Variants in DSCAML1 observed in about 807,000 individuals in gnomAD.
DSCAML1 encodes DS cell adhesion molecule like 1.
Under a neutral mutation model 200.5 loss-of-function variants are expected in DSCAML1, and 38 were observed. The ratio of observed to expected loss-of-function variants is 0.19; its 90% CI spans 0.15 to 0.25. DSCAML1 has a LOEUF of 0.25. Ranked by LOEUF, DSCAML1 falls within the 10% of genes least tolerant of loss-of-function variation. The pLI, the probability that DSCAML1 is intolerant of heterozygous loss-of-function variation, is 1.00. For missense variants in DSCAML1, 2,223 were observed against 2,858.8 expected, an observed-to-expected ratio of 0.78 and a Z score of 5.07; for synonymous variants, 1,215 against 1,165.0, an observed-to-expected ratio of 1.04 and a Z score of -0.87.
At chr11:117,668,082 G>A (rs2053017984) in intron 3 of DSCAML1, among the ~76,000 whole-genome samples, 1 of 152,138 alleles carries the variant, frequency 6.6e-6, no homozygotes, top group Non-Finnish European at 1.5e-5. Flanking sequence ...CTGGGAGGTG[G>A]GTACTATTAT....
intron 3 of DSCAML1, among the ~76,000 whole-genome samples, chr11:117,586,973 A>C (rs972235425): frequency 2.0e-5 from 3 of 151,966 alleles, no homozygotes; most frequent in African/African-American, 7.3e-5. Flanking sequence ...CTCCTCCATC[A>C]CCTCCCACAG....
At chr11:117,442,030 GTA>G (rs1354736895) in intron 21 of DSCAML1, among the ~76,000 whole-genome samples, 9 of 100,992 alleles carry the variant, frequency 8.9e-5, no homozygotes, top group African/African-American at 3.6e-4. Flanking sequence ...GTGAGTGTGT[GTA>G]TGTGTGTGTG....
chr11:117,704,739 T>C (rs2053729458), intron 3 of DSCAML1, among the ~76,000 whole-genome samples: 1 of 152,146 alleles, frequency 6.6e-6, no homozygotes, highest in Admixed American at 6.5e-5. Flanking sequence ...CCAGGAACAA[T>C]GCAAGTATTA....
At chr11:117,519,665 TA>T (rs951167237) in intron 6 of DSCAML1, among the ~76,000 whole-genome samples, 1 of 151,776 alleles carries the variant, frequency 6.6e-6, no homozygotes, top group Non-Finnish European at 1.5e-5. Flanking sequence ...AGAAAAAATG[TA>T]AAAAAATAGC....
chr11:117,713,124 G>T (rs541888169), intron 3 of DSCAML1, among the ~76,000 whole-genome samples: 4 of 151,784 alleles, frequency 2.6e-5, no homozygotes, highest in African/African-American at 7.3e-5. Context: ...CCGTTTTTTG[G>T]GAGACTCTGT....
intron 3 of DSCAML1, among the ~76,000 whole-genome samples, chr11:117,608,010 C>T (rs1032847407): frequency 2.0e-5 from 3 of 152,210 alleles, no homozygotes; most frequent in Non-Finnish European, 4.4e-5. Context: ...CCACCTGCAT[C>T]AGAGGGAATG....
chr11:117,784,162 C>A (rs1328927159), intron 1 of DSCAML1, among the ~76,000 whole-genome samples: 1 of 152,222 alleles, frequency 6.6e-6, no homozygotes, highest in African/African-American at 2.4e-5. Context: ...GAGCTTCTGT[C>A]TTCTGAGTCT....
At chr11:117,574,636 C>T (rs1157184798) in intron 3 of DSCAML1, among the ~76,000 whole-genome samples, 1 of 152,136 alleles carries the variant, frequency 6.6e-6, no homozygotes, top group East Asian at 1.9e-4. Flanking sequence ...GTGTGGGCCC[C>T]TGAGCCTGGC....
At chr11:117,806,433 CT>C (rs2055707701) in intron 1 of DSCAML1, among the ~76,000 whole-genome samples, 1 of 152,214 alleles carries the variant, frequency 6.6e-6, no homozygotes, top group African/African-American at 2.4e-5. Context: ...AAACTCTGAG[CT>C]GAACTGGCGG....
At position 117,779,901 on chromosome 11, in the gene DSCAML1, A is replaced by T. The variant is rs535592542; in HGVS notation, c.364+592T>A. Reference sequence around the variant, plus strand: ...ATGTGTGCACTTTCCTTTATATATTATTTTTCAATAAAAGGCTTCAAGGAA... The same window carrying T: ...ATGTGTGCACTTTCCTTTATATATTTTTTTTCAATAAAAGGCTTCAAGGAA... On this transcript the variant is annotated intron_variant, in intron 2 of 32. Transcript: ENST00000651296. Among the ~76,000 whole-genome samples, 38 of 152,062 alleles carry T rather than the reference A, an allele frequency of 2.5e-4. 2 individuals carry two copies. In the East Asian group the frequency reaches 5.8e-3, roughly 23 times the overall value.
At chr11:117,583,024 G>A (rs2051072760) in intron 3 of DSCAML1, among the ~76,000 whole-genome samples, 1 of 33,476 alleles carries the variant, frequency 3.0e-5, no homozygotes, top group African/African-American at 9.2e-5. Context: ...TATTATTGTA[G>A]CACTAGCATT....
chr11:117,725,243 C>T (rs2054105000), intron 3 of DSCAML1, among the ~76,000 whole-genome samples: 1 of 152,168 alleles, frequency 6.6e-6, no homozygotes, highest in South Asian at 2.1e-4. Context: ...CACTGTCTTC[C>T]CTGTCTGCTG....
intron 3 of DSCAML1, among the ~76,000 whole-genome samples, chr11:117,740,760 A>G (rs1016134272): frequency 4.6e-5 from 7 of 152,238 alleles, no homozygotes; most frequent in Non-Finnish European, 8.8e-5. Flanking sequence ...CCAAGGTTAC[A>G]TATTTATTGT....
In DSCAML1 at chr11:117,432,397, T is replaced by C; in HGVS notation, c.5134A>G (p.Ser1712Gly). 6.2e-7 allele frequency: 1 copy of C among 1,614,112 alleles called. No individual in the cohort carries two copies. The highest frequency in any genetic ancestry group is 2.2e-5 in the East Asian group (1 of 44,878). Residue 1712 changes from serine (S) to glycine (G), a missense_variant, in exon 30 of 33, where the codon AGC (serine) becomes GGC (glycine). Ser to Gly is a moderately conservative substitution (Grantham distance 56). This residue lies in a region of DSCAML1 where 614 missense variants were observed against 739.1 expected (regional missense o/e 0.83). Coordinates refer to ENST00000651296, the MANE Select transcript of DSCAML1 (RefSeq NM_020693.4). ...GACATGTCGATGAGGGGTCCTGTGCTCTGGATGAGGGTTGGGTGGTGCAAG... is the reference window on the plus strand; with the variant it reads ...GACATGTCGATGAGGGGTCCTGTGCCCTGGATGAGGGTTGGGTGGTGCAAG... ...VSLHHPTLIQ[S>G]TGPLIDMSDI...
At chr11:117,800,653 T>C (rs1420074524), upstream of DSCAML1, among the ~76,000 whole-genome samples, 2 of 152,252 alleles carry the variant, frequency 1.3e-5, no homozygotes, top group African/African-American at 4.8e-5. Context: ...AATATTTTCT[T>C]GCATCAGAAT....
rs762695017 is a variant in DSCAML1 at position 117,428,286 on chromosome 11, C to T, written c.*42G>A. The T allele has an allele frequency of 3.8e-5, 43 of 1,119,382 alleles. No individual in the cohort carries two copies. The highest frequency in any genetic ancestry group is 1.3e-4 in the Admixed American group (6 of 47,292). 69.3% of individuals were successfully genotyped at this position (1,119,382 alleles called of 1,614,324 possible). On this transcript the variant is annotated 3_prime_UTR_variant, in exon 33 of 33. Transcript: ENST00000651296. ...ACAGCCGAGCTGGCGTGTGGGGCTGCGGCGCGGCGCGGTCCAGGCGTGGCT... is the reference window on the plus strand; with the variant it reads ...ACAGCCGAGCTGGCGTGTGGGGCTGTGGCGCGGCGCGGTCCAGGCGTGGCT...
rs1288501589 is a variant in DSCAML1, at chr11:117,430,679, G to A, written c.5686+43C>T. ...GCCAGGGCTCATGGGGCTGGGGCCAGGGGGCGGGGGGGCACTGCCTGGGAG... is the reference window on the plus strand; with the variant it reads ...GCCAGGGCTCATGGGGCTGGGGCCAAGGGGCGGGGGGGCACTGCCTGGGAG... On this transcript the variant is annotated intron_variant, in intron 32 of 32. Coordinates refer to ENST00000651296, the MANE Select transcript of DSCAML1 (RefSeq NM_020693.4). 2.6e-6 allele frequency: 4 copies of A among 1,564,186 alleles called. No individual in the cohort carries two copies. The South Asian group carries it at 3.6e-5, about 14-fold the overall frequency.
Position 117,516,622 on chromosome 11 carries a change from A to C in DSCAML1, c.1628T>G (p.Leu543Arg). Residue 543 changes from leucine (L) to arginine (R), a missense_variant, in exon 8 of 33, where the codon CTG (leucine) becomes CGG (arginine). Around this residue, in one of 7 missense-constraint regions of DSCAML1, gnomAD observed 212 missense variants for 368.0 expected, o/e 0.58. Transcript: ENST00000651296. This position sits in a 1 kb window ranked among gnomAD's most constrained non-coding sequence, Gnocchi z 5.7. ...CTGGCGGTGGTTGTCTGGCAGCAGC[A>C]GGGCATCCTTGTACCACTTGATGGA... The part of the protein sequence containing the change: ...YYSIKWYKDA[L>R]LLPDNHRQVV... 1 of 1,614,120 alleles carries C rather than the reference A, an allele frequency of 6.2e-7. No individual in the cohort carries two copies. Among genetic ancestry groups the C allele is most frequent in the Non-Finnish European group, 8.5e-7 (1 of 1,180,026 alleles).
At chr11:117,580,949 G>A (rs893936617) in intron 3 of DSCAML1, among the ~76,000 whole-genome samples, 6 of 152,162 alleles carry the variant, frequency 3.9e-5, no homozygotes, top group Admixed American at 3.9e-4. Flanking sequence ...TCTGAGGATG[G>A]GACCCAGGTC....
Sources: allele counts gnomAD v4.1 joint callset (sites outside exome capture counted in the v4.1 genomes callset), GRCh38; gene constraint gnomAD v4.1.1; regional missense constraint gnomAD v4.1.1; non-coding constraint Gnocchi (gnomAD v3.1); transcripts MANE v1.5; gene names NCBI Gene and HGNC (gene_info 2026-07-23, HGNC 2026-07-21).